PTPRR: variants seen among roughly 807,000 people sequenced by gnomAD.
The protein encoded by PTPRR is receptor-type tyrosine-protein phosphatase R.
In PTPRR, 38 loss-of-function variants were observed where a neutral mutation model predicts 77.2. The ratio of observed to expected loss-of-function variants is 0.49; its 90% CI spans 0.38 to 0.65. The LOEUF is 0.65. PTPRR is among the 30% of genes least tolerant of loss of function. The pLI is 0.00. For synonymous variants in PTPRR, 299 were observed against 283.1 expected (o/e 1.06, Z -0.57); for missense variants, 744 against 799.2 (o/e 0.93, Z 0.83).
intron 1 of PTPRR, among the ~76,000 whole-genome samples, chr12:70,913,640 T>C (rs1893733239): frequency 6.6e-6 from 1 of 152,110 alleles, no homozygotes; most frequent in African/African-American, 2.4e-5. Flanking sequence ...ACACTACAAA[T>C]AGCATCATGC....
intron 8 of PTPRR, 110 bp from the exon 9 acceptor site, chr12:70,684,893 G>A (rs936242654): frequency 3.0e-6 from 2 of 671,742 alleles, no homozygotes; most frequent in Non-Finnish European, 5.0e-6. Context: ...ATTATCTGGT[G>A]CATGTCAATG....
At chr12:70,823,626 A>G (rs2458442) in intron 2 of PTPRR, among the ~76,000 whole-genome samples, 29,653 of 151,860 alleles carry the variant, frequency 0.2, 4,793 homozygotes, top group African/African-American at 0.44. Flanking sequence ...TCCCTTCCTT[A>G]CAGTTCCTGC....
chr12:70,827,544 CTTTCTT>C (rs745340428), intron 2 of PTPRR, among the ~76,000 whole-genome samples: 1 of 147,548 alleles, frequency 6.8e-6, no homozygotes, highest in African/African-American at 2.6e-5. Context: ...TTCTTTCTTT[CTTTCTT>C]TTTTTTTTTC....
At chr12:70,801,187 A>G (rs1891608857) in intron 2 of PTPRR, among the ~76,000 whole-genome samples, 1 of 152,184 alleles carries the variant, frequency 6.6e-6, no homozygotes, top group Admixed American at 6.5e-5. Flanking sequence ...TCTGTTGTTC[A>G]GCATTCTTAG....
At position 70,675,392 on chromosome 12, in the gene PTPRR, G is replaced by A. The variant is rs375387377; in HGVS notation, c.1497+8735C>T. On this transcript the variant is annotated intron_variant, in intron 10 of 13. Coordinates refer to ENST00000283228, the MANE Select transcript of PTPRR (RefSeq NM_002849.4). The stretch of plus-strand genomic sequence containing the variant: ...TTCCCTTTTATTTTGGTTTATTTTC[G>A]AAATTCTGTCTTTTCTCTCTTCTAC... Among the ~76,000 whole-genome samples the A allele has an allele frequency of 7.9e-4, 119 of 151,276 alleles. 1 individual carries two copies. The highest frequency in any genetic ancestry group is 2.5e-3 in the African/African-American group (103 of 41,252).
At chr12:70,696,142 G>A (rs1411901147) in intron 8 of PTPRR, among the ~76,000 whole-genome samples, 1 of 150,336 alleles carries the variant, frequency 6.7e-6, no homozygotes, top group African/African-American at 2.4e-5. Context: ...AACTATATCT[G>A]TTTGTTTAGT....
At chr12:70,743,698 A>G (rs563630959) in intron 6 of PTPRR, among the ~76,000 whole-genome samples, 1 of 152,320 alleles carries the variant, frequency 6.6e-6, no homozygotes, top group South Asian at 2.1e-4. Context: ...AACACTGATT[A>G]CACACTTGCT....
chr12:70,655,066 C>T (rs1439547360), intron 13 of PTPRR, among the ~76,000 whole-genome samples: 1 of 152,218 alleles, frequency 6.6e-6, no homozygotes, highest in East Asian at 1.9e-4. Flanking sequence ...CTCAATCGTC[C>T]ATTTACCCAG....
At chr12:70,844,202 T>C (rs1161733063) in intron 2 of PTPRR, among the ~76,000 whole-genome samples, 1 of 152,158 alleles carries the variant, frequency 6.6e-6, no homozygotes, top group Non-Finnish European at 1.5e-5. Context: ...CGGTACTTAT[T>C]GTATCTTTGT....
chr12:70,749,610 A>G (rs899656996), intron 5 of PTPRR, among the ~76,000 whole-genome samples: 1 of 152,180 alleles, frequency 6.6e-6, no homozygotes, highest in African/African-American at 2.4e-5. Context: ...TATTTAACAA[A>G]TGAGAAAATT....
chr12:70,665,023 A>G (rs930241930), intron 10 of PTPRR, among the ~76,000 whole-genome samples: 1 of 152,188 alleles, frequency 6.6e-6, no homozygotes, highest in East Asian at 1.9e-4. Context: ...TAACAATGAG[A>G]TAAAAGAGGC....
intron 2 of PTPRR, among the ~76,000 whole-genome samples, chr12:70,844,315 A>G (rs1179086755): frequency 6.6e-6 from 1 of 152,322 alleles, no homozygotes; most frequent in South Asian, 2.1e-4. Flanking sequence ...GGGCATCCAT[A>G]TGCAAAAGAT....
chr12:70,813,681 G>A (rs1184037256), intron 2 of PTPRR, among the ~76,000 whole-genome samples: 1 of 152,184 alleles, frequency 6.6e-6, no homozygotes, highest in Non-Finnish European at 1.5e-5. Context: ...ATAGTGGGAT[G>A]AGCGTCACCA....
Position 70,701,259 on chromosome 12 carries a change from A to T in PTPRR, c.1072T>A (p.Ser358Thr). 1 of 1,613,944 alleles carries T rather than the reference A, an allele frequency of 6.2e-7. No homozygotes were observed. The highest frequency in any genetic ancestry group is 8.5e-7 in the Non-Finnish European group (1 of 1,179,922). Residue 358 changes from serine to threonine, a missense_variant, in exon 7 of 14, where the codon TCT becomes ACT. By Grantham distance (58) the Ser-to-Thr change is moderately conservative. This residue lies in a region of PTPRR where 570 missense variants were observed against 573.2 expected (regional missense o/e 0.99). Coordinates refer to ENST00000283228, the MANE Select transcript of PTPRR (RefSeq NM_002849.4). ...ACCTTCTCCCGTGGTGTTGGTATAG[A>T]CACAAAGGGTTCAATGTTCCCCAAG... ...SSLGNIEPFV[S>T]IPTPREKVAM...
intron 12 of PTPRR, among the ~76,000 whole-genome samples, chr12:70,658,113 C>T (rs532622114): frequency 1.3e-5 from 2 of 152,262 alleles, no homozygotes; most frequent in South Asian, 2.1e-4. Flanking sequence ...ACTTTCAAGC[C>T]TTATGTATTT....
intron 2 of PTPRR, among the ~76,000 whole-genome samples, chr12:70,767,679 C>A (rs1420333692): frequency 1.3e-5 from 2 of 152,210 alleles, no homozygotes; most frequent in Non-Finnish European, 2.9e-5. Flanking sequence ...TAGACATCTA[C>A]AGAATTCTCC....
At chr12:70,803,656 T>C (rs1013588826) in intron 2 of PTPRR, among the ~76,000 whole-genome samples, 1 of 151,908 alleles carries the variant, frequency 6.6e-6, no homozygotes, top group African/African-American at 2.4e-5. Context: ...CAGAAGGAAG[T>C]CATGCAGAAG....
intron 2 of PTPRR, among the ~76,000 whole-genome samples, chr12:70,874,661 C>T (rs577201363): frequency 1.5e-4 from 23 of 152,178 alleles, no homozygotes; most frequent in African/African-American, 4.6e-4. Context: ...CGGTGGCTCA[C>T]GCCTGTAATC....
intron 1 of PTPRR, among the ~76,000 whole-genome samples, chr12:70,917,360 C>T (rs1400458176): frequency 1.3e-5 from 2 of 152,134 alleles, no homozygotes; most frequent in Admixed American, 1.3e-4. Context: ...TATGCAACCA[C>T]GGGTCTGGAA....
Sources: allele counts gnomAD v4.1 joint callset (sites outside exome capture counted in the v4.1 genomes callset), GRCh38; gene constraint gnomAD v4.1.1; regional missense constraint gnomAD v4.1.1; transcripts MANE v1.5; gene names NCBI Gene and HGNC (gene_info 2026-07-23, HGNC 2026-07-21).